RDH10: variants seen among roughly 807,000 people sequenced by gnomAD.
RDH10 encodes retinol dehydrogenase 10, also known as retinol dehydrogenase 10 (all-trans).
A neutral mutation model predicts 30.2 loss-of-function variants in RDH10; 12 were observed. The ratio of observed to expected loss-of-function variants is 0.40; its 90% confidence interval spans 0.25 to 0.64. The LOEUF is 0.64. RDH10 is among the 30% of genes least tolerant of loss of function. The pLI is 0.43. For missense variants in RDH10, 268 were observed against 445.2 expected (o/e 0.60, Z 3.58); for synonymous variants, 189 against 172.2 (o/e 1.10, Z -0.76).
At chr8:73,308,114 CA>C (rs962548431) in intron 2 of RDH10, among the ~76,000 whole-genome samples, 2 of 152,148 alleles carry the variant, frequency 1.3e-5, no homozygotes, top group East Asian at 3.9e-4. Flanking sequence ...AAATTAGACA[CA>C]AAAAAAGTCA....
At chr8:73,305,119 T>C (rs1283286236) in intron 2 of RDH10, among the ~76,000 whole-genome samples, 2 of 152,240 alleles carry the variant, frequency 1.3e-5, no homozygotes, top group Admixed American at 1.3e-4. Context: ...TCAAAAAGAC[T>C]GAATGCAGAG....
At chr8:73,317,572 A>T (rs2130377737) in intron 2 of RDH10, among the ~76,000 whole-genome samples, 1 of 152,302 alleles carries the variant, frequency 6.6e-6, no homozygotes, top group South Asian at 2.1e-4. Context: ...GAGCACAGAA[A>T]AACATCAGAA....
At chr8:73,297,122 C>A in intron 1 of RDH10, 72 bp from the exon 2 acceptor site, 2 of 849,698 alleles carry the variant, frequency 2.4e-6, no homozygotes, top group Non-Finnish European at 4.0e-6. Context: ...TCCTACTGAT[C>A]GCCATGTGAC....
At chr8:73,297,107 C>A in intron 1 of RDH10, 87 bp from the exon 2 acceptor site, 1 of 780,642 alleles carries the variant, frequency 1.3e-6, no homozygotes, top group Non-Finnish European at 2.2e-6. Context: ...TTTGTGTGAT[C>A]TTTGTCCTAC....
chr8:73,321,703 T>TG (rs1394135395), intron 4 of RDH10: 2 of 416,484 alleles, frequency 4.8e-6, no homozygotes, highest in African/African-American at 4.1e-5. Context: ...AACAAAACTG[T>TG]GAATCATTAA....
chr8:73,301,151 C>T (rs917890414), intron 2 of RDH10, among the ~76,000 whole-genome samples: 4 of 145,804 alleles, frequency 2.7e-5, no homozygotes, highest in Non-Finnish European at 6.0e-5. Context: ...CCCAGGTTCA[C>T]GCCATTCTCC....
chr8:73,300,903 CTCATCTAAGGTTTT>C (rs939505575), intron 2 of RDH10, among the ~76,000 whole-genome samples: 10 of 152,176 alleles, frequency 6.6e-5, no homozygotes, highest in African/African-American at 4.8e-5. Context: ...GGTTAAATGA[CTCATCTAAGGTTTT>C]TCTTTTCTTT....
intron 2 of RDH10, among the ~76,000 whole-genome samples, chr8:73,304,681 A>G (rs970261154): frequency 6.6e-6 from 1 of 152,096 alleles, no homozygotes; most frequent in African/African-American, 2.4e-5. Flanking sequence ...CCTTGCACAC[A>G]CTTATGCTTC....
At chr8:73,304,239 C>G (rs62509792) in intron 2 of RDH10, among the ~76,000 whole-genome samples, 22,206 of 152,216 alleles carry the variant, frequency 0.15, 2,111 homozygotes, top group Non-Finnish European at 0.21. Context: ...CTTGCATTCC[C>G]TGGTCACCAG....
chr8:73,299,928 A>G (rs529947126), intron 2 of RDH10, among the ~76,000 whole-genome samples: 4 of 152,236 alleles, frequency 2.6e-5, no homozygotes, highest in Non-Finnish European at 5.9e-5. Context: ...TTTTTAACAT[A>G]AGGAGGAAGT....
chr8:73,306,055 TG>T (rs1814459152), intron 2 of RDH10, among the ~76,000 whole-genome samples: 1 of 152,184 alleles, frequency 6.6e-6, no homozygotes, highest in Admixed American at 6.5e-5. Flanking sequence ...ACTCAGAAGA[TG>T]GGGGTTTCTG....
chr8:73,308,212 G>A (rs939682203), intron 2 of RDH10, among the ~76,000 whole-genome samples: 13 of 152,148 alleles, frequency 8.5e-5, no homozygotes, highest in Admixed American at 3.9e-4. Context: ...TGTGGTTTTA[G>A]TTTAGTTCAT....
At chr8:73,313,244 AACTTT>A (rs1426206031) in intron 2 of RDH10, 8 of 152,336 alleles carry the variant, frequency 5.3e-5, no homozygotes, top group Middle Eastern at 3.4e-3. Context: ...ATTTGGCGTA[AACTTT>A]ACTTTAAAAG....
At chr8:73,301,272 G>C (rs1289551353) in intron 2 of RDH10, among the ~76,000 whole-genome samples, 1 of 149,294 alleles carries the variant, frequency 6.7e-6, no homozygotes, top group Admixed American at 6.6e-5. Context: ...GGATGGTCTC[G>C]ATCTCCTGAC....
chr8:73,308,898 C>T (rs1814509076), intron 2 of RDH10, among the ~76,000 whole-genome samples: 1 of 152,184 alleles, frequency 6.6e-6, no homozygotes, highest in Non-Finnish European at 1.5e-5. Context: ...TGCTCAGGCT[C>T]ACTCTAGAAC....
chr8:73,316,582 GTAA>G (rs1814669102), intron 2 of RDH10, among the ~76,000 whole-genome samples: 1 of 152,194 alleles, frequency 6.6e-6, no homozygotes, highest in African/African-American at 2.4e-5. Context: ...GGGCAATGCA[GTAA>G]TGAGAAGTGT....
At chr8:73,312,303 A>G (rs776340644) in intron 2 of RDH10, 1 of 152,244 alleles carries the variant, frequency 6.6e-6, no homozygotes, top group Non-Finnish European at 1.5e-5. Flanking sequence ...AACCATTCTT[A>G]TAAAAGATGG....
chr8:73,310,085 C>A (rs929841749), intron 2 of RDH10, among the ~76,000 whole-genome samples: 3 of 152,170 alleles, frequency 2.0e-5, no homozygotes, highest in Non-Finnish European at 4.4e-5. Flanking sequence ...ACCTGAACAC[C>A]AGGAGGAAAA....
intron 2 of RDH10, chr8:73,311,834 T>C (rs577375919): frequency 6.6e-6 from 1 of 152,344 alleles, no homozygotes; most frequent in African/African-American, 2.4e-5. Flanking sequence ...AGGGGACCTT[T>C]CTGTCTCTAC....
Sources: gnomAD v4.1 joint callset for allele counts (sites outside exome capture counted in the v4.1 genomes callset) on GRCh38, gnomAD v4.1.1 for gene constraint, MANE v1.5 for transcripts, NCBI Gene and HGNC (gene_info 2026-07-23, HGNC 2026-07-21) for gene names.